NUDCD1: variants seen among roughly 807,000 people sequenced by gnomAD.
The protein encoded by NUDCD1 is nudC domain-containing protein 1.
A neutral mutation model predicts 67.8 loss-of-function variants in NUDCD1; 60 were observed. The ratio of observed to expected loss-of-function variants is 0.88; its 90% CI spans 0.72 to 1.10. The LOEUF is 1.10. Ranked by LOEUF, NUDCD1 falls within the 50% of genes least tolerant of loss-of-function variation. NUDCD1 has a pLI of 0.00. For missense variants in NUDCD1, 643 were observed against 695.0 expected (o/e 0.93, Z 0.84); for synonymous variants, 244 against 230.8 (o/e 1.06, Z -0.52).
At chr8:109,319,515 A>G (rs1190951039) in intron 2 of NUDCD1, among the ~76,000 whole-genome samples, 1 of 152,220 alleles carries the variant, frequency 6.6e-6, no homozygotes. Context: ...GAACAGAGGT[A>G]AGATGTCAAG....
chr8:109,316,373 C>G (rs1417980225), intron 2 of NUDCD1: 1 of 152,150 alleles, frequency 6.6e-6, no homozygotes, highest in Non-Finnish European at 1.5e-5. Flanking sequence ...GTCTGAAGAC[C>G]TAGCAACCTA....
intron 2 of NUDCD1, chr8:109,313,815 G>T: frequency 1.9e-6 from 2 of 1,054,096 alleles, no homozygotes; most frequent in Non-Finnish European, 2.6e-6. Context: ...ACATGACGGA[G>T]GTTGCTAGAA....
chr8:109,261,895 C>A (rs112339223), intron 8 of NUDCD1, among the ~76,000 whole-genome samples: 5,831 of 152,092 alleles, frequency 0.038, 327 homozygotes, highest in Admixed American at 0.17. Flanking sequence ...CTAGTAAGGG[C>A]TAGTACACAC....
At chr8:109,326,169 G>T (rs182524261) in intron 1 of NUDCD1, among the ~76,000 whole-genome samples, 1 of 152,160 alleles carries the variant, frequency 6.6e-6, no homozygotes, top group Non-Finnish European at 1.5e-5. Flanking sequence ...CAAACTGGAG[G>T]CTTCTTAGAC....
rs191604237 is a variant in NUDCD1 at position 109,327,602 on chromosome 8, T to A, written c.119-5139A>T. 5.3e-5 allele frequency among the ~76,000 whole-genome samples: 8 copies of A among 152,292 alleles called. No homozygotes were observed. In the East Asian group the frequency reaches 1.5e-3, roughly 29 times the overall value. ...AGTAATACTAATTGTACCAAAACAT[T>A]GACAAGCTTCAGTCGAAATATGCAA... On this transcript the variant is annotated intron_variant, in intron 1 of 9. Coordinates refer to ENST00000239690, the MANE Select transcript of NUDCD1 (RefSeq NM_032869.4).
chr8:109,323,744 T>C (rs756551515), intron 1 of NUDCD1, among the ~76,000 whole-genome samples: 3 of 152,100 alleles, frequency 2.0e-5, no homozygotes, highest in Admixed American at 1.3e-4. Context: ...AGGACACAAA[T>C]AGACATCTCA....
At chr8:109,247,817 T>G (rs896272982) in intron 8 of NUDCD1, among the ~76,000 whole-genome samples, 1 of 152,206 alleles carries the variant, frequency 6.6e-6, no homozygotes, top group African/African-American at 2.4e-5. Context: ...ATGTTATTCC[T>G]ATCAAATTAT....
At chr8:109,259,125 G>A (rs897884406) in intron 8 of NUDCD1, among the ~76,000 whole-genome samples, 4 of 152,200 alleles carry the variant, frequency 2.6e-5, no homozygotes, top group African/African-American at 7.2e-5. Flanking sequence ...TTTCAAGGAT[G>A]TTTGTAAAGC....
chr8:109,249,837 T>C (rs2980597), intron 8 of NUDCD1, among the ~76,000 whole-genome samples: 7,256 of 149,336 alleles, frequency 0.049, 628 homozygotes, highest in East Asian at 0.42. Flanking sequence ...ATATAAAGAA[T>C]TGTTGAATTC....
At chr8:109,280,676 T>G (rs915448383) in intron 6 of NUDCD1, among the ~76,000 whole-genome samples, 1 of 152,180 alleles carries the variant, frequency 6.6e-6, no homozygotes, top group South Asian at 2.1e-4. Context: ...ATTAAAAAGT[T>G]TGAAAAAGTG....
At chr8:109,261,526 A>T (rs1234933886) in intron 8 of NUDCD1, among the ~76,000 whole-genome samples, 3 of 152,184 alleles carry the variant, frequency 2.0e-5, no homozygotes, top group African/African-American at 7.2e-5. Flanking sequence ...TTAACCTATT[A>T]TTAAGAGGTA....
intron 2 of NUDCD1, among the ~76,000 whole-genome samples, chr8:109,302,565 C>T (rs1347294310): frequency 6.6e-6 from 1 of 152,136 alleles, no homozygotes; most frequent in African/African-American, 2.4e-5. Context: ...TATTACCTCC[C>T]CTCCTTACAC....
intron 2 of NUDCD1, among the ~76,000 whole-genome samples, chr8:109,319,843 T>A (rs1329425306): frequency 6.6e-6 from 1 of 152,182 alleles, no homozygotes; most frequent in Non-Finnish European, 1.5e-5. Flanking sequence ...CTATTTTCCC[T>A]AAGCATCGGC....
At chr8:109,319,850 C>T (rs535471367) in intron 2 of NUDCD1, among the ~76,000 whole-genome samples, 8 of 152,254 alleles carry the variant, frequency 5.3e-5, no homozygotes, top group African/African-American at 1.7e-4. Flanking sequence ...CCCTAAGCAT[C>T]GGCCAGCTTG....
chr8:109,255,097 T>C (rs996340700), intron 8 of NUDCD1, among the ~76,000 whole-genome samples: 7 of 152,182 alleles, frequency 4.6e-5, no homozygotes, highest in African/African-American at 1.7e-4. Flanking sequence ...TTCAGATATA[T>C]TTCCAAACTC....
intron 8 of NUDCD1, among the ~76,000 whole-genome samples, chr8:109,264,521 C>T (rs964710543): frequency 6.6e-6 from 1 of 152,122 alleles, no homozygotes; most frequent in Admixed American, 6.5e-5. Context: ...TCCAAGTTAT[C>T]GTCATGGGTA....
rs763151904 is a variant in NUDCD1 at position 109,242,717 on chromosome 8, C to G, written c.*292G>C. The G allele has an allele frequency of 1.9e-5, 4 of 207,896 alleles. No individual in the cohort carries two copies. Among genetic ancestry groups the G allele is most frequent in the Non-Finnish European group, 2.9e-5 (3 of 102,592 alleles). The allele number at this position is 207,896 out of a possible 1,614,324, so 12.9% of individuals were successfully genotyped here. A position where few individuals can be genotyped will look rare whatever the true frequency, so the allele number is the denominator to read the frequency against. On this transcript the variant is annotated 3_prime_UTR_variant, in exon 10 of 10. Transcript: ENST00000239690. Reference sequence around the variant, plus strand: ...TATTTTTAAACACTGAATTGTACATCTTTCATATAAAACATGAGATTCTAG... The same window carrying G: ...TATTTTTAAACACTGAATTGTACATGTTTCATATAAAACATGAGATTCTAG...
At chr8:109,291,081 A>C (rs1020441658) in intron 4 of NUDCD1, among the ~76,000 whole-genome samples, 1 of 152,186 alleles carries the variant, frequency 6.6e-6, no homozygotes, top group Non-Finnish European at 1.5e-5. Context: ...CATGGGACAG[A>C]AAAGAATAGG....
intron 6 of NUDCD1, among the ~76,000 whole-genome samples, chr8:109,280,454 G>A (rs1814406622): frequency 6.6e-6 from 1 of 152,116 alleles, no homozygotes; most frequent in Admixed American, 6.5e-5. Context: ...GCCGCCAAAA[G>A]TAGTTTTCCT....
Sources: gnomAD v4.1 joint callset for allele counts (sites outside exome capture counted in the v4.1 genomes callset) on GRCh38, gnomAD v4.1.1 for gene constraint, MANE v1.5 for transcripts, NCBI Gene and HGNC (gene_info 2026-07-23, HGNC 2026-07-21) for gene names.